Variants in RGS3 observed in about 807,000 individuals in gnomAD.
RGS3 encodes the protein regulator of G-protein signalling 3.
A neutral mutation model predicts 132.6 loss-of-function variants in RGS3; 80 were observed. The ratio of observed to expected loss-of-function variants is 0.60; its 90% CI spans 0.50 to 0.73. The LOEUF is 0.73. RGS3 is among the 30% of genes least tolerant of loss of function. The pLI is 0.00. For missense variants in RGS3, 1,382 were observed against 1,530.8 expected, an observed-to-expected ratio of 0.90 and a Z score of 1.62; for synonymous variants, 598 against 620.6, an observed-to-expected ratio of 0.96 and a Z score of 0.54.
intron 19 of RGS3, among the ~76,000 whole-genome samples, chr9:113,551,435 T>A (rs1833335459): frequency 6.6e-6 from 1 of 152,254 alleles, no homozygotes; most frequent in South Asian, 2.1e-4. Context: ...TATACATATA[T>A]GTGTGCAAGT....
At chr9:113,492,604 C>A (rs1830555603) in intron 7 of RGS3, among the ~76,000 whole-genome samples, 1 of 152,186 alleles carries the variant, frequency 6.6e-6, no homozygotes, top group South Asian at 2.1e-4. Context: ...GACTGGTAGT[C>A]AGAATTAACC....
chr9:113,540,221 C>A (rs944370562), intron 19 of RGS3, among the ~76,000 whole-genome samples: 2 of 152,038 alleles, frequency 1.3e-5, no homozygotes, highest in African/African-American at 4.8e-5. Flanking sequence ...GGGACTGCTG[C>A]GAGGCTTCTA....
chr9:113,596,606 A>G (rs1191682925), intron 24 of RGS3, among the ~76,000 whole-genome samples, 162 bp from the exon 23 acceptor site: 1 of 152,172 alleles, frequency 6.6e-6, no homozygotes, highest in Non-Finnish European at 1.5e-5. Context: ...CTGAGCCAGG[A>G]CTTGAATCCT....
At chr9:113,523,677 C>G (rs535097660) in intron 17 of RGS3, among the ~76,000 whole-genome samples, 1 of 152,120 alleles carries the variant, frequency 6.6e-6, no homozygotes, top group Non-Finnish European at 1.5e-5. Context: ...GGGAAGCCAG[C>G]TGGGAGTATC....
At chr9:113,568,590 C>T (rs1834114894) in intron 19 of RGS3, among the ~76,000 whole-genome samples, 1 of 152,210 alleles carries the variant, frequency 6.6e-6, no homozygotes, top group African/African-American at 2.4e-5. Flanking sequence ...GAGAAGCAGC[C>T]CCCAGCCTGT....
At chr9:113,577,638 C>T (rs2118936068) in intron 19 of RGS3, among the ~76,000 whole-genome samples, 1 of 152,278 alleles carries the variant, frequency 6.6e-6, no homozygotes, top group South Asian at 2.1e-4. Flanking sequence ...GATGCAGCCA[C>T]ACAGCTGTCC....
chr9:113,540,007 AGCTGAGGGCCGGGG>A (rs1479450316), intron 19 of RGS3, among the ~76,000 whole-genome samples: 2 of 151,920 alleles, frequency 1.3e-5, no homozygotes, highest in African/African-American at 4.8e-5. Flanking sequence ...TTTTCGTGAA[AGCTGAGGGCCGGGG>A]GCCATCTAGT....
chr9:113,509,403 T>G (rs1831301436), intron 14 of RGS3, among the ~76,000 whole-genome samples: 1 of 151,946 alleles, frequency 6.6e-6, no homozygotes, highest in South Asian at 2.1e-4. Context: ...TGGTTATGAG[T>G]AGTTGCCTGT....
intron 3 of RGS3, among the ~76,000 whole-genome samples, chr9:113,475,144 C>T (rs986440592): frequency 6.6e-6 from 1 of 152,202 alleles, no homozygotes; most frequent in Non-Finnish European, 1.5e-5. Flanking sequence ...ATATGGGGCC[C>T]TGTCTATTCT....
chr9:113,492,679 T>C (rs1039773660), intron 7 of RGS3, among the ~76,000 whole-genome samples: 1 of 152,178 alleles, frequency 6.6e-6, no homozygotes, highest in Non-Finnish European at 1.5e-5. Context: ...TGAGCGCTAG[T>C]TCCCAAGTTT....
rs1417144100 is a variant in RGS3 at position 113,591,465 on chromosome 9, T to C, written c.3080+68T>C. On this transcript the variant is annotated intron_variant, in intron 21 of 24. Coordinates refer to ENST00000350696, the Ensembl canonical transcript of RGS3. This position sits in a 1 kb window ranked among gnomAD's most constrained non-coding sequence, Gnocchi z 4.4. ...CTTGCCCCAGGGCTTGTCTCTCCTC[T>C]AGGGGTCCAGGTGGGGAGAAGAGGT... 1 of 1,389,860 alleles carries C rather than the reference T, an allele frequency of 7.2e-7. No individual in the cohort carries two copies. The highest frequency in any genetic ancestry group is 2.3e-5 in the East Asian group (1 of 43,776). The allele number at this position is 1,389,860 out of a possible 1,614,324, so 86.1% of individuals were successfully genotyped here.
intron 19 of RGS3, among the ~76,000 whole-genome samples, chr9:113,576,516 GAGA>G (rs1834532734): frequency 6.6e-6 from 1 of 152,056 alleles, no homozygotes; most frequent in African/African-American, 2.4e-5. Context: ...ATTTTTGGTA[GAGA>G]CGGGGTTTCA....
At chr9:113,495,890 C>T (rs368997364) in intron 8 of RGS3, 44 bp downstream of exon 6, 127 of 1,533,206 alleles carry the variant, frequency 8.3e-5, no homozygotes, top group Non-Finnish European at 9.4e-5. Context: ...CCAACTGGGC[C>T]GGGGCTGGTA....
intron 7 of RGS3, among the ~76,000 whole-genome samples, chr9:113,490,142 T>A (rs1257656110): frequency 6.6e-6 from 1 of 152,228 alleles, no homozygotes. Flanking sequence ...AATTTCCTTG[T>A]CTGTAAAATG....
intron 10 of RGS3, among the ~76,000 whole-genome samples, chr9:113,498,759 A>G (rs1830766802): frequency 6.6e-6 from 1 of 151,982 alleles, no homozygotes; most frequent in Non-Finnish European, 1.5e-5. Flanking sequence ...TACTAAAAAT[A>G]CAAAAAAATT....
intron 17 of RGS3, among the ~76,000 whole-genome samples, chr9:113,525,386 C>G (rs947753188): frequency 4.3e-4 from 66 of 152,148 alleles, no homozygotes; most frequent in African/African-American, 1.6e-3. Flanking sequence ...CTCCTGCAGT[C>G]TAAATTGGAG....
rs891624975 is a variant in RGS3, at chr9:113,506,042, A to G, written c.980-346A>G. Among the ~76,000 whole-genome samples the G allele has an allele frequency of 6.6e-6, 1 of 152,122 alleles. No homozygotes were observed. Among genetic ancestry groups the G allele is most frequent in the Admixed American group, 6.5e-5 (1 of 15,274 alleles). On this transcript the variant is annotated intron_variant, in intron 11 of 24. Transcript: ENST00000350696. The surrounding 1 kb of genome is among the most constrained non-coding windows in gnomAD (Gnocchi z 4.7). ...GCACAATGATTGGCAGAGAAGGAAT[A>G]AATGTAGTGTGGGAGCCTGGCCCCA...
intron 4 of RGS3, 194 bp from the exon 3 acceptor site, chr9:113,482,865 G>C (rs1158380548): frequency 2.8e-6 from 4 of 1,417,576 alleles, no homozygotes; most frequent in Non-Finnish European, 3.7e-6. Context: ...GACCAGAGCA[G>C]GTTCATAGCC....
intron 19 of RGS3, among the ~76,000 whole-genome samples, chr9:113,568,297 C>A (rs1834100305): frequency 1.3e-5 from 2 of 152,226 alleles, no homozygotes; most frequent in Admixed American, 1.3e-4. Context: ...CCTTCGGGCT[C>A]ACTGACTAGA....
Sources: allele counts gnomAD v4.1 joint callset (sites outside exome capture counted in the v4.1 genomes callset), GRCh38; gene constraint gnomAD v4.1.1; non-coding constraint Gnocchi (gnomAD v3.1); transcripts MANE v1.5; gene names NCBI Gene and HGNC (gene_info 2026-07-23, HGNC 2026-07-21).